The following ALDH2 variants were observed in gnomAD, a reference collection of about 807,000 sequenced individuals.
ALDH2 encodes the protein aldehyde dehydrogenase 2 family member, also known as aldehyde dehydrogenase, mitochondrial.
Under a neutral mutation model 59.6 loss-of-function variants are expected in ALDH2, and 44 were observed. That is an observed-to-expected ratio of 0.74 (90% CI 0.58 to 0.95). ALDH2 has a LOEUF of 0.95. ALDH2 is among the 40% of genes least tolerant of loss of function. The probability of loss-of-function intolerance (pLI) is 0.00; values close to 1 mark genes in which losing one functional copy is unlikely to be tolerated. For missense variants in ALDH2, 570 were observed against 696.3 expected (o/e 0.82, Z 2.04); for synonymous variants, 291 against 284.0 (o/e 1.02, Z -0.25).
At chr12:111,780,216 GT>G (rs2068262233) in intron 1 of ALDH2, among the ~76,000 whole-genome samples, 1 of 152,124 alleles carries the variant, frequency 6.6e-6, no homozygotes, top group East Asian at 1.9e-4. Flanking sequence ...GTGACTTTAG[GT>G]AATAAGTAAG....
In ALDH2 at chr12:111,791,277, C is replaced by T. The variant is rs74595229; in HGVS notation, c.682-29C>T. ...AGCCCTTCAGAATAGGAGGGTGACTCCCAATGTCCCCTGGCTGTTTGCTCA... is the reference window on the plus strand; with the variant it reads ...AGCCCTTCAGAATAGGAGGGTGACTTCCAATGTCCCCTGGCTGTTTGCTCA... On this transcript the variant is annotated intron_variant, in intron 6 of 12. Coordinates refer to ENST00000261733, the MANE Select transcript of ALDH2 (RefSeq NM_000690.4). The T allele has an allele frequency of 3.0e-3, 4,606 of 1,558,970 alleles. 119 individuals carry two copies. The African/African-American group carries it at 0.053, about 18-fold the overall frequency.
chr12:111,809,429 G>A, intron 12 of ALDH2, 114 bp from the exon 13 acceptor site: 1 of 1,168,132 alleles, frequency 8.6e-7, no homozygotes, highest in Non-Finnish European at 1.3e-6. Flanking sequence ...ACTCCAGTCT[G>A]GGGAGAAAAA....
intron 11 of ALDH2, among the ~76,000 whole-genome samples, chr12:111,802,029 C>T (rs560065926): frequency 1.3e-4 from 20 of 151,894 alleles, no homozygotes; most frequent in Admixed American, 6.6e-4. Context: ...CCAAGGTAGA[C>T]GGATCACGAG....
intron 11 of ALDH2, among the ~76,000 whole-genome samples, 180 bp from the exon 12 acceptor site, chr12:111,803,679 C>G (rs572468460): frequency 1.3e-5 from 2 of 150,578 alleles, no homozygotes; most frequent in Admixed American, 6.6e-5. Context: ...GAGGTTGCAA[C>G]GAGCCAAGAT....
At chr12:111,797,223 GC>G (rs1793743771) in intron 9 of ALDH2, among the ~76,000 whole-genome samples, 1 of 152,146 alleles carries the variant, frequency 6.6e-6, no homozygotes, top group African/African-American at 2.4e-5. Flanking sequence ...GTGAGCCACT[GC>G]CCCTGGCCCA....
At chr12:111,783,380 A>T in intron 3 of ALDH2, 82 bp downstream of exon 3, 1 of 1,502,200 alleles carries the variant, frequency 6.7e-7, no homozygotes. Flanking sequence ...GGAACCAAGC[A>T]TCCTGTGAAC....
At chr12:111,786,218 T>C (rs553279022) in intron 4 of ALDH2, among the ~76,000 whole-genome samples, 2 of 151,872 alleles carry the variant, frequency 1.3e-5, no homozygotes, top group South Asian at 4.1e-4. Context: ...CAAAAATGTT[T>C]GATTGATTGA....
chr12:111,804,084 A>G, intron 12 of ALDH2, 111 bp downstream of exon 12: 2 of 682,778 alleles, frequency 2.9e-6, no homozygotes, highest in East Asian at 3.3e-5. Flanking sequence ...GGCCTGCCAG[A>G]GGTTCAGGAC....
At chr12:111,795,354 C>A (rs2068394801) in intron 9 of ALDH2, among the ~76,000 whole-genome samples, 1 of 152,172 alleles carries the variant, frequency 6.6e-6, no homozygotes, top group Non-Finnish European at 1.5e-5. Context: ...ATCATCTCAG[C>A]TCACTGCAAC....
chr12:111,773,304 A>G (rs1292027211), intron 1 of ALDH2, among the ~76,000 whole-genome samples: 1 of 152,140 alleles, frequency 6.6e-6, no homozygotes, highest in African/African-American at 2.4e-5. Flanking sequence ...GGCATTCAAT[A>G]CTTCCTGCCT....
chr12:111,778,272 C>T (rs771962899), intron 1 of ALDH2, among the ~76,000 whole-genome samples: 13 of 152,140 alleles, frequency 8.5e-5, no homozygotes, highest in South Asian at 2.1e-4. Flanking sequence ...CGGCCAGGCG[C>T]GGTGGCTCAC....
intron 9 of ALDH2, 54 bp downstream of exon 9, chr12:111,792,836 G>T: frequency 1.3e-6 from 2 of 1,511,120 alleles, no homozygotes; most frequent in Non-Finnish European, 1.8e-6. Context: ...ATGAGAAGCA[G>T]AGAGGGCATC....
At chr12:111,804,452 G>A (rs1006987638) in intron 12 of ALDH2, among the ~76,000 whole-genome samples, 7 of 152,142 alleles carry the variant, frequency 4.6e-5, no homozygotes, top group South Asian at 4.1e-4. Context: ...TTCACCAGGC[G>A]CGGTGGCTTT....
chr12:111,779,444 C>A (rs1348011561), intron 1 of ALDH2, among the ~76,000 whole-genome samples: 1 of 152,152 alleles, frequency 6.6e-6, no homozygotes, highest in Non-Finnish European at 1.5e-5. Context: ...CATGCCTTGG[C>A]CTCCAAAAGT....
intron 11 of ALDH2, 116 bp downstream of exon 11, chr12:111,800,179 G>C: frequency 7.7e-7 from 1 of 1,303,316 alleles, no homozygotes; most frequent in Non-Finnish European, 1.0e-6. Flanking sequence ...GTTTCTCCTG[G>C]GTCAGGGTGT....
chr12:111,781,804 C>A, intron 1 of ALDH2, 114 bp from the exon 2 acceptor site: 1 of 747,824 alleles, frequency 1.3e-6, no homozygotes, highest in Non-Finnish European at 2.2e-6. Flanking sequence ...TAGGCTACAC[C>A]ACTCTGAAAT....
chr12:111,797,937 G>C, intron 9 of ALDH2, 141 bp from the exon 10 acceptor site: 3 of 952,102 alleles, frequency 3.2e-6, no homozygotes, highest in Middle Eastern at 5.3e-4. Flanking sequence ...TATTGGCCCT[G>C]TGTGTTTCCT....
At chr12:111,781,824 T>G in intron 1 of ALDH2, 94 bp from the exon 2 acceptor site, 5 of 914,246 alleles carry the variant, frequency 5.5e-6, no homozygotes, top group Non-Finnish European at 8.5e-6. Context: ...TTAATTCATA[T>G]TTGCTTTTTC....
intron 12 of ALDH2, among the ~76,000 whole-genome samples, chr12:111,804,468 G>C (rs1020701282): frequency 1.3e-5 from 2 of 152,060 alleles, no homozygotes; most frequent in African/African-American, 2.4e-5. Flanking sequence ...GCTTTTCACC[G>C]GGCACGGTGG....
Sources: allele counts gnomAD v4.1 joint callset (sites outside exome capture counted in the v4.1 genomes callset), GRCh38; gene constraint gnomAD v4.1.1; transcripts MANE v1.5; gene names NCBI Gene and HGNC (gene_info 2026-07-23, HGNC 2026-07-21).